Variants in TXNL4A observed in about 807,000 individuals in gnomAD.
The protein encoded by TXNL4A is thioredoxin like 4A, also known as thioredoxin-like protein 4A.
In TXNL4A, 17 loss-of-function variants were observed where a neutral mutation model predicts 14.6. The observed-to-expected ratio is 1.16, with a 90% CI of 0.80 to 1.74. TXNL4A has a LOEUF of 1.74. Ranked by LOEUF, TXNL4A falls within the 40% of genes most tolerant of loss-of-function variation. The probability of loss-of-function intolerance (pLI) is 0.00; values close to 1 mark genes in which losing one functional copy is unlikely to be tolerated. For synonymous variants in TXNL4A, 83 were observed against 70.6 expected, an observed-to-expected ratio of 1.18 and a Z score of -0.88; for missense variants, 74 against 195.2, an observed-to-expected ratio of 0.38 and a Z score of 3.70.
chr18:79,976,649 G>A, intron 2 of TXNL4A: 1 of 381,644 alleles, frequency 2.6e-6, no homozygotes, highest in Non-Finnish European at 5.2e-6. Flanking sequence ...GCTGCTCAAT[G>A]CGTGCTAATT....
intron 1 of TXNL4A, among the ~76,000 whole-genome samples, chr18:80,024,799 T>C (rs536233991): frequency 6.6e-6 from 1 of 152,292 alleles, no homozygotes; most frequent in Non-Finnish European, 1.5e-5. Context: ...CAGGTAGCCG[T>C]GACACAGGTA....
At position 79,982,942 on chromosome 18, in the gene TXNL4A, T is replaced by C. The variant is rs1454534761; in HGVS notation, c.154-5241A>G. Among the ~76,000 whole-genome samples the C allele has an allele frequency of 6.6e-6, 1 of 152,126 alleles. No homozygotes were observed. Among genetic ancestry groups the C allele is most frequent in the Non-Finnish European group, 1.5e-5 (1 of 68,018 alleles). ...GTAACCAAGCGCTTGGAGGAGGAGC[T>C]GGGTGAGTGCAGCCACACTGCTCTG... On this transcript the variant is annotated intron_variant, in intron 1 of 2. Coordinates refer to ENST00000269601, the MANE Select transcript of TXNL4A (RefSeq NM_006701.5). This position sits in a 1 kb window ranked among gnomAD's most constrained non-coding sequence, Gnocchi z 4.0.
chr18:79,988,453 G>C lies in TXNL4A; in HGVS notation c.-61C>G. The C allele has an allele frequency of 7.7e-7, 1 of 1,303,534 alleles. No homozygotes were observed. Among genetic ancestry groups the C allele is most frequent in the East Asian group, 3.1e-5 (1 of 31,938 alleles). 80.7% of individuals were successfully genotyped at this position (1,303,534 alleles called of 1,614,324 possible). ...CGCCAGGGAGGGCCCAGCGAGGTGG[G>C]CTCAGCCGGCCCCTCACTCCCCGGC... On this transcript the variant is annotated 5_prime_UTR_variant, in exon 1 of 3. Coordinates refer to ENST00000269601, the MANE Select transcript of TXNL4A (RefSeq NM_006701.5).
chr18:80,014,383 A>C (rs1389314083), intron 1 of TXNL4A, among the ~76,000 whole-genome samples: 1 of 152,224 alleles, frequency 6.6e-6, no homozygotes, highest in Non-Finnish European at 1.5e-5. Context: ...GGTATTGGGT[A>C]AATACAGCCA....
At chr18:79,979,886 A>G (rs1017600634) in intron 1 of TXNL4A, among the ~76,000 whole-genome samples, 2 of 152,244 alleles carry the variant, frequency 1.3e-5, no homozygotes, top group Non-Finnish European at 2.9e-5. Flanking sequence ...TACTAACTCA[A>G]TGCCCTTTAG....
upstream of TXNL4A, among the ~76,000 whole-genome samples, chr18:79,992,454 C>T (rs1401063299): frequency 1.3e-5 from 2 of 152,132 alleles, no homozygotes; most frequent in Non-Finnish European, 2.9e-5. Context: ...CCAACCATCA[C>T]CCCCAGGCCC....
At position 80,003,695 on chromosome 18, in the gene TXNL4A, T is replaced by G. The variant is rs150304808; in HGVS notation, c.-60-25994A>C. ...GAGATGGTGTATTTGTTCATTCTCA[T>G]GCTGCTATGAAAAAACACCTGAGAA... is the stretch of plus-strand genomic sequence containing the variant. On this transcript the variant is annotated intron_variant, in intron 1 of 2. Transcript: ENST00000585474. Among the ~76,000 whole-genome samples the G allele has an allele frequency of 4.9e-3, 750 of 152,310 alleles. 2 individuals are homozygous for G. Among genetic ancestry groups the G allele is most frequent in the South Asian group, 0.021 (102 of 4,816 alleles).
At chr18:80,032,464 T>A (rs1409967028) in intron 1 of TXNL4A, among the ~76,000 whole-genome samples, 3 of 152,350 alleles carry the variant, frequency 2.0e-5, no homozygotes, top group South Asian at 2.1e-4. Context: ...TTTTGGTTCC[T>A]AAATAAGATG....
At chr18:79,979,424 TG>T (rs1423362625) in intron 1 of TXNL4A, 1 of 152,252 alleles carries the variant, frequency 6.6e-6, no homozygotes, top group Non-Finnish European at 1.5e-5. Flanking sequence ...GGGAGGCGAC[TG>T]GATCATGGGA....
chr18:80,017,850 T>A (rs2051822479), intron 1 of TXNL4A, among the ~76,000 whole-genome samples: 1 of 151,956 alleles, frequency 6.6e-6, no homozygotes. Context: ...TCTGCCCAGC[T>A]TTGGTATCAG....
At chr18:79,994,194 A>C (rs1819526528) in intron 1 of TXNL4A, among the ~76,000 whole-genome samples, 1 of 152,212 alleles carries the variant, frequency 6.6e-6, no homozygotes, top group Admixed American at 6.5e-5. Flanking sequence ...CACTATAACC[A>C]AAGTAGTTCT....
chr18:80,008,019 C>T (rs539534351), intron 1 of TXNL4A, among the ~76,000 whole-genome samples: 4 of 152,150 alleles, frequency 2.6e-5, no homozygotes, highest in Non-Finnish European at 5.9e-5. Context: ...GGCGTGGCAG[C>T]GCACGCCTGT....
At chr18:79,977,339 T>C (rs985039195) in intron 2 of TXNL4A, 9 of 511,696 alleles carry the variant, frequency 1.8e-5, no homozygotes, top group South Asian at 3.2e-5. Context: ...ACATCTTTCA[T>C]TGAATTACAC....
At chr18:79,978,681 A>T (rs2051416771) in intron 1 of TXNL4A, among the ~76,000 whole-genome samples, 1 of 152,046 alleles carries the variant, frequency 6.6e-6, no homozygotes, top group African/African-American at 2.4e-5. Context: ...TTTTGTAGAG[A>T]CAGGGTTTTG....
intron 1 of TXNL4A, among the ~76,000 whole-genome samples, chr18:80,014,168 C>A (rs2051791285): frequency 6.6e-6 from 1 of 152,126 alleles, no homozygotes; most frequent in African/African-American, 2.4e-5. Context: ...CCATATCATT[C>A]TTCCCCGGCC....
chr18:79,980,119 T>C (rs1235607615), intron 1 of TXNL4A, among the ~76,000 whole-genome samples: 1 of 152,176 alleles, frequency 6.6e-6, no homozygotes, highest in Non-Finnish European at 1.5e-5. Context: ...CAGGAGGCTC[T>C]GGGGGCATCG....
At chr18:79,975,041 T>C (rs572520330) in intron 2 of TXNL4A, among the ~76,000 whole-genome samples, 1 of 152,224 alleles carries the variant, frequency 6.6e-6, no homozygotes, top group Non-Finnish European at 1.5e-5. Context: ...TCATTCTCCA[T>C]GCTGCAGGCA....
At chr18:79,973,890 G>C in intron 2 of TXNL4A, 34 bp from the exon 3 acceptor site, 1 of 1,601,424 alleles carries the variant, frequency 6.2e-7, no homozygotes, top group Non-Finnish European at 8.5e-7. Flanking sequence ...CATTCTCATA[G>C]AAGTCTCTTT....
At position 80,011,166 on chromosome 18, in the gene TXNL4A, C is replaced by G. The variant is rs530346392; in HGVS notation, c.-61+22685G>C. On this transcript the variant is annotated intron_variant, in intron 1 of 2. Transcript: ENST00000585474. This position sits in a 1 kb window ranked among gnomAD's most constrained non-coding sequence, Gnocchi z 4.1. ...TCATTGAGTATGCAAAGGCCAAACA[C>G]TAATATAAAACATATAAGGAAAAGA... Among the ~76,000 whole-genome samples, 2 of 152,214 alleles carry G rather than the reference C, an allele frequency of 1.3e-5. No individual in the cohort carries two copies. The highest frequency in any genetic ancestry group is 4.8e-5 in the African/African-American group (2 of 41,530).
Sources: gnomAD v4.1 joint callset for allele counts (sites outside exome capture counted in the v4.1 genomes callset) on GRCh38, gnomAD v4.1.1 for gene constraint, Gnocchi (gnomAD v3.1) non-coding constraint, MANE v1.5 for transcripts, NCBI Gene and HGNC (gene_info 2026-07-23, HGNC 2026-07-21) for gene names.